ACAN: variants seen among roughly 807,000 people sequenced by gnomAD.
The protein encoded by ACAN is aggrecan.
In ACAN, 47 loss-of-function variants were observed where a neutral mutation model predicts 169.1. The ratio of observed to expected loss-of-function variants is 0.28; its 90% CI spans 0.22 to 0.35. The LOEUF (loss-of-function observed/expected upper bound fraction) is 0.35, where lower values mean the gene tolerates loss of function less well. Among genes scored for constraint, ACAN ranks in the 10% least tolerant of loss-of-function variants. The pLI is 1.00. For synonymous variants in ACAN, 1,115 were observed against 1,112.2 expected, an observed-to-expected ratio of 1.00 and a Z score of -0.05; for missense variants, 2,716 against 2,759.9, an observed-to-expected ratio of 0.98 and a Z score of 0.36.
rs192568553 is a variant in ACAN, at chr15:88,872,926, G to T, written c.7348G>T (p.Ala2450Ser). Residue 2450 changes from alanine (A) to serine (S), a missense_variant, in exon 17 of 19, where the codon GCT (alanine) becomes TCT (serine). Transcript: ENST00000560601. The surrounding 1 kb of genome is among the most constrained non-coding windows in gnomAD (Gnocchi z 5.4). ...RPNQPDNFFA[A>S]GEDCVVMIWH... Reference sequence around the variant, plus strand: ...CAACCAGCCTGACAACTTTTTTGCCGCTGGAGAGGACTGTGTGGTGATGAT... The same window carrying T: ...CAACCAGCCTGACAACTTTTTTGCCTCTGGAGAGGACTGTGTGGTGATGAT... The T allele has an allele frequency of 6.2e-7, 1 of 1,613,836 alleles. No individual in the cohort carries two copies. Among genetic ancestry groups the T allele is most frequent in the Non-Finnish European group, 8.5e-7 (1 of 1,179,904 alleles).
rs1897375288 is a variant in ACAN, at chr15:88,871,403, G to C, written c.7082G>C (p.Gly2361Ala). Residue 2361 changes from glycine to alanine, a missense_variant, in exon 15 of 19, where the codon GGC becomes GCC. Transcript: ENST00000560601. The surrounding 1 kb of genome is among the most constrained non-coding windows in gnomAD (Gnocchi z 7.8). ...GCAGACCAGGAGGTATGTGAGGAGG[G>C]CTGGAACAAGTACCAGGGCCACTGT... ...CEIDQEVCEE[G>A]WNKYQGHCYR... 1 of 1,613,772 alleles carries C rather than the reference G, an allele frequency of 6.2e-7. No individual in the cohort carries two copies.
Position 88,843,712 on chromosome 15 carries a change from G to C in ACAN, c.1051+64G>C. 1 of 1,499,280 alleles carries C rather than the reference G, an allele frequency of 6.7e-7. No homozygotes were observed. The highest frequency in any genetic ancestry group is 8.9e-7 in the Non-Finnish European group (1 of 1,122,604). The allele number at this position is 1,499,280 out of a possible 1,614,324, so 92.9% of individuals were successfully genotyped here. ...CTAAAATGGGGTCCTAGAGGGAAGA[G>C]GGGATCTTGGAAAGGGAGGGTTGGT... On this transcript the variant is annotated intron_variant, in intron 6 of 18. Coordinates refer to ENST00000560601, the MANE Select transcript of ACAN (RefSeq NM_001369268.1). This position sits in a 1 kb window ranked among gnomAD's most constrained non-coding sequence, Gnocchi z 4.0.
At chr15:88,848,623 A>T (rs1175980471) in intron 9 of ACAN, among the ~76,000 whole-genome samples, 1 of 152,226 alleles carries the variant, frequency 6.6e-6, no homozygotes, top group Non-Finnish European at 1.5e-5. Context: ...AGCATTGCCC[A>T]ATTTTTAACC....
rs1403474929 is a variant in ACAN at position 88,807,601 on chromosome 15, G to A, written c.-8+3792G>A. ...CAAGGGGAGGGCTGGAGAAGGAGCG[G>A]GAGTGCAGGCGAGAGGAGGACCAGA... On this transcript the variant is annotated intron_variant, in intron 1 of 18. Coordinates refer to ENST00000560601, the MANE Select transcript of ACAN (RefSeq NM_001369268.1). This position sits in a 1 kb window ranked among gnomAD's most constrained non-coding sequence, Gnocchi z 4.0. Among the ~76,000 whole-genome samples the A allele has an allele frequency of 6.6e-6, 1 of 152,190 alleles. No homozygotes were observed. The highest frequency in any genetic ancestry group is 2.4e-5 in the African/African-American group (1 of 41,438).
At chr15:88,805,365 G>T (rs534758458) in intron 1 of ACAN, among the ~76,000 whole-genome samples, 1 of 152,280 alleles carries the variant, frequency 6.6e-6, no homozygotes, top group Admixed American at 6.5e-5. Context: ...GGGAGGAGAG[G>T]TTCTAACCTG....
chr15:88,827,841 C>T (rs1567170028), intron 1 of ACAN, among the ~76,000 whole-genome samples: 1 of 152,096 alleles, frequency 6.6e-6, no homozygotes, highest in African/African-American at 2.4e-5. Flanking sequence ...AATTGAGCCT[C>T]GAGAGGTTAA....
chr15:88,873,030 G>C lies in ACAN; in HGVS notation c.7447+5G>C. The C allele has an allele frequency of 6.2e-7, 1 of 1,611,840 alleles. No individual in the cohort carries two copies. Among genetic ancestry groups the C allele is most frequent in the Non-Finnish European group, 8.5e-7 (1 of 1,179,004 alleles). ...TCACGTGTAAAAAGGGCACAGGTAA[G>C]CTGGCGCCTGGGAGGGGTCAGGGGA... On this transcript the variant is annotated splice_donor_5th_base_variant and intron_variant, in intron 17 of 18. Coordinates refer to ENST00000560601, the MANE Select transcript of ACAN (RefSeq NM_001369268.1). This position sits in a 1 kb window ranked among gnomAD's most constrained non-coding sequence, Gnocchi z 7.5.
In ACAN at chr15:88,855,550, G is replaced by A. The variant is rs368974937; in HGVS notation, c.2965G>A (p.Val989Ile). 30 of 1,612,356 alleles carry A rather than the reference G, an allele frequency of 1.9e-5. No homozygotes were observed. In the African/African-American group the frequency reaches 3.9e-4, roughly 21 times the overall value. Residue 989 changes from valine (V) to isoleucine (I), a missense_variant, in exon 12 of 19, where the codon GTA (valine) becomes ATA (isoleucine). By Grantham distance (29) the Val-to-Ile change is conservative (BLOSUM62 3). Transcript: ENST00000560601. ...AGTTCTAGAGACCACTGCCCCTGGA[G>A]TAGAGGACATCAGCGGGCTTCCTTC... Reference protein sequence around the residue: ...GEVLETTAPGVEDISGLPSGE... With the variant: ...GEVLETTAPGIEDISGLPSGE...
At chr15:88,811,033 C>T (rs551562999) in intron 1 of ACAN, among the ~76,000 whole-genome samples, 4 of 152,216 alleles carry the variant, frequency 2.6e-5, no homozygotes, top group Non-Finnish European at 5.9e-5. Context: ...TGGCCAGCTT[C>T]TCCTGTCTTC....
chr15:88,810,350 T>C (rs1365925658), intron 1 of ACAN, among the ~76,000 whole-genome samples: 1 of 151,562 alleles, frequency 6.6e-6, no homozygotes, highest in Non-Finnish European at 1.5e-5. Flanking sequence ...AGGGCTAATT[T>C]TGGGGGGAAA....
intron 1 of ACAN, among the ~76,000 whole-genome samples, chr15:88,820,148 T>G (rs1896038377): frequency 6.6e-6 from 1 of 152,140 alleles, no homozygotes; most frequent in Non-Finnish European, 1.5e-5. Flanking sequence ...CCTGGATATA[T>G]GCAATTTTTA....
chr15:88,820,350 G>C (rs2141514779), intron 1 of ACAN, among the ~76,000 whole-genome samples: 1 of 152,238 alleles, frequency 6.6e-6, no homozygotes, highest in African/African-American at 2.4e-5. Context: ...CATGGAGGAA[G>C]GGCCCACCAC....
chr15:88,807,851 A>G lies in ACAN; in HGVS notation c.-8+4042A>G, dbSNP rs1456002906. Among the ~76,000 whole-genome samples, 2 of 149,786 alleles carry G rather than the reference A, an allele frequency of 1.3e-5. No homozygotes were observed. The highest frequency in any genetic ancestry group is 2.1e-4 in the South Asian group (1 of 4,720). On this transcript the variant is annotated intron_variant, in intron 1 of 18. Transcript: ENST00000560601. This position sits in a 1 kb window ranked among gnomAD's most constrained non-coding sequence, Gnocchi z 4.0. ...TGAGAGGTGACTTCTCTCCCTCTCA[A>G]TGGCCTTACAGTGTATCCTAAAGAA...
Position 88,845,661 on chromosome 15 carries a change from C to CCAT in ACAN, c.1210_1212dup (p.Ile404dup). ...GGCAGCGTGATCCTTACCGTAAAGC[C>CCAT]CATCTTCGAGGTCTCCCCCAGTCCC... is the stretch of plus-strand genomic sequence containing the variant. On this transcript the variant is annotated inframe_insertion, in exon 7 of 19. Transcript: ENST00000560601. The CCAT allele has an allele frequency of 6.2e-7, 1 of 1,614,066 alleles. No homozygotes were observed.
chr15:88,824,102 A>G (rs561460626), intron 1 of ACAN, among the ~76,000 whole-genome samples: 1 of 152,240 alleles, frequency 6.6e-6, no homozygotes, highest in East Asian at 1.9e-4. Flanking sequence ...AGGCAGGCAG[A>G]CCACGAGATC....
chr15:88,822,857 A>ATCCAAGGACTAAAC (rs1338316711), intron 1 of ACAN, among the ~76,000 whole-genome samples: 4 of 152,196 alleles, frequency 2.6e-5, no homozygotes, highest in Non-Finnish European at 5.9e-5. Context: ...CTTTGACTAG[A>ATCCAAGGACTAAAC]TCCAAGGACT....
Position 88,847,340 on chromosome 15 carries a change from G to T in ACAN, c.1527G>T (p.Ser509=), listed in dbSNP as rs371049725. The T allele has an allele frequency of 6.3e-7, 1 of 1,584,482 alleles. No individual in the cohort carries two copies. ...TGCGCACGGGGGCGGTCATTGCCTCGCCGGAGCAGCTCCAGGCCGCCTACG... is the reference window on the plus strand; with the variant it reads ...TGCGCACGGGGGCGGTCATTGCCTCTCCGGAGCAGCTCCAGGCCGCCTACG... The part of the protein sequence containing the change: ...ACLRTGAVIA[S]PEQLQAAYEA... The change falls in exon 8 of 19, where the codon TCG becomes TCT. Residue 509 remains serine (S), a synonymous_variant. Transcript: ENST00000560601.
intron 1 of ACAN, among the ~76,000 whole-genome samples, chr15:88,828,421 C>CT (rs893817585): frequency 4.6e-5 from 7 of 150,932 alleles, no homozygotes; most frequent in Non-Finnish European, 7.4e-5. Context: ...CTACCCGAGC[C>CT]TTTTTTTTTG....
At position 88,855,147 on chromosome 15, in the gene ACAN, G is replaced by A. The variant is rs1409649628; in HGVS notation, c.2562G>A (p.Leu854=). 2 of 1,609,126 alleles carry A rather than the reference G, an allele frequency of 1.2e-6. No homozygotes were observed. The highest frequency in any genetic ancestry group is 2.2e-5 in the South Asian group (2 of 90,592). Residue 854 remains leucine (L), a synonymous_variant, in exon 12 of 19, where the codon CTG becomes CTA. Transcript: ENST00000560601. ...PSPPVPSWTE[L]PSSGEESGAP... ...CCCCCGTGCCCAGCTGGACTGAGCT[G>A]CCCAGCTCTGGGGAGGAATCTGGGG...
Sources: gnomAD v4.1 joint callset for allele counts (sites outside exome capture counted in the v4.1 genomes callset) on GRCh38, gnomAD v4.1.1 for gene constraint, Gnocchi (gnomAD v3.1) non-coding constraint, MANE v1.5 for transcripts, NCBI Gene and HGNC (gene_info 2026-07-23, HGNC 2026-07-21) for gene names.